Variants in PDE2A observed in about 807,000 individuals in gnomAD.
The protein encoded by PDE2A is phosphodiesterase 2A.
A neutral mutation model predicts 133.6 loss-of-function variants in PDE2A; 53 were observed. That is an observed-to-expected ratio of 0.40 (90% CI 0.32 to 0.50). The LOEUF (loss-of-function observed/expected upper bound fraction) is 0.50, where lower values mean the gene tolerates loss of function less well. PDE2A is among the 20% of genes least tolerant of loss of function. The probability of loss-of-function intolerance (pLI) is 0.73; values close to 1 mark genes in which losing one functional copy is unlikely to be tolerated. For missense variants in PDE2A, 796 were observed against 1,232.4 expected (o/e 0.65, Z 5.30); for synonymous variants, 491 against 490.2 (o/e 1.00, Z -0.02).
intron 2 of PDE2A, among the ~76,000 whole-genome samples, chr11:72,633,202 C>CTG (rs1858506528): frequency 7.2e-6 from 1 of 138,394 alleles, no homozygotes; most frequent in Admixed American, 7.0e-5. Context: ...CAGGCCAGGG[C>CTG]TGTGTCCAAG....
At chr11:72,646,234 C>G (rs181998835) in intron 1 of PDE2A, among the ~76,000 whole-genome samples, 1 of 152,198 alleles carries the variant, frequency 6.6e-6, no homozygotes, top group Non-Finnish European at 1.5e-5. Flanking sequence ...ACTCAGCTGT[C>G]AGCCTGGGTC....
intron 1 of PDE2A, among the ~76,000 whole-genome samples, chr11:72,649,918 A>G (rs949369216): frequency 6.6e-6 from 1 of 152,092 alleles, no homozygotes; most frequent in Non-Finnish European, 1.5e-5. Context: ...AGAGTTGGGA[A>G]AAGGAGCTCT....
At chr11:72,618,947 C>G (rs1425797112) in intron 2 of PDE2A, among the ~76,000 whole-genome samples, 1 of 152,188 alleles carries the variant, frequency 6.6e-6, no homozygotes, top group Non-Finnish European at 1.5e-5. Flanking sequence ...TTTGAAGGGC[C>G]CAGGAAGCCA....
chr11:72,601,773 G>A (rs1376764263), intron 4 of PDE2A, among the ~76,000 whole-genome samples: 2 of 152,140 alleles, frequency 1.3e-5, no homozygotes, highest in Non-Finnish European at 2.9e-5. Context: ...GAAGACCCTG[G>A]CCCAGGCAGC....
intron 2 of PDE2A, among the ~76,000 whole-genome samples, chr11:72,611,092 C>A (rs1231097226): frequency 2.0e-5 from 3 of 152,196 alleles, no homozygotes; most frequent in Non-Finnish European, 2.9e-5. Flanking sequence ...GAGGAGCCCA[C>A]AAGCTGACTC....
At chr11:72,585,866 C>T (rs936172779) in intron 14 of PDE2A, among the ~76,000 whole-genome samples, 4 of 152,186 alleles carry the variant, frequency 2.6e-5, no homozygotes, top group African/African-American at 9.7e-5. Flanking sequence ...AAATTGAACA[C>T]TAGAGGGCGA....
chr11:72,656,185 G>A (rs778115019), intron 1 of PDE2A, among the ~76,000 whole-genome samples: 1 of 152,222 alleles, frequency 6.6e-6, no homozygotes, highest in Non-Finnish European at 1.5e-5. Context: ...GACAAGCTGA[G>A]GGCCAGACGC....
At position 72,642,289 on chromosome 11, in the gene PDE2A, G is replaced by T; in HGVS notation, c.109C>A (p.Pro37Thr). ...QQVFLKPDEP[P>T]PPPQPCADSL... Reference sequence around the variant, plus strand: ...TCGGCGCATGGCTGCGGCGGCGGCGGCGGCTCGTCCGGCTTGAGGAAGACC... The same window carrying T: ...TCGGCGCATGGCTGCGGCGGCGGCGTCGGCTCGTCCGGCTTGAGGAAGACC... The change falls in exon 2 of 31, where the codon CCG becomes ACG. Residue 37 changes from proline (P) to threonine (T), a missense_variant. Physicochemically the swap from Pro to Thr is conservative, Grantham distance 38 (BLOSUM62 -1). Transcript: ENST00000334456. The T allele has an allele frequency of 6.6e-7, 1 of 1,522,966 alleles. No homozygotes were observed. Among genetic ancestry groups the T allele is most frequent in the Non-Finnish European group, 8.8e-7 (1 of 1,138,068 alleles). 94.3% of individuals were successfully genotyped at this position (1,522,966 alleles called of 1,614,324 possible). A position where few individuals can be genotyped will look rare whatever the true frequency, so the allele number is the denominator to read the frequency against.
At chr11:72,589,288 A>T in intron 11 of PDE2A, 48 bp from the exon 12 acceptor site, 1 of 1,408,890 alleles carries the variant, frequency 7.1e-7, no homozygotes, top group Non-Finnish European at 1.0e-6. Flanking sequence ...TCCCCAGGTC[A>T]GGGGATCTCA....
At chr11:72,668,047 A>G (rs142421843) in intron 1 of PDE2A, among the ~76,000 whole-genome samples, 186 of 152,278 alleles carry the variant, frequency 1.2e-3, no homozygotes, top group Middle Eastern at 6.8e-3. Context: ...TGCAAGACCA[A>G]TTCTCTCAAA....
chr11:72,585,858 A>T lies in PDE2A; in HGVS notation c.1182+212T>A, dbSNP rs560405722. On this transcript the variant is annotated intron_variant, in intron 14 of 30. Transcript: ENST00000334456. The stretch of plus-strand genomic sequence containing the variant: ...GCCTAGGTGTTGCTGTAGTGCCCAA[A>T]TTGAACACTAGAGGGCGATCACATA... Among the ~76,000 whole-genome samples the T allele has an allele frequency of 4.1e-3, 624 of 152,300 alleles. 2 individuals are homozygous for T. The highest frequency in any genetic ancestry group is 7.3e-3 in the Non-Finnish European group (495 of 68,024).
intron 2 of PDE2A, among the ~76,000 whole-genome samples, chr11:72,628,048 G>T (rs2135410299): frequency 6.6e-6 from 1 of 152,288 alleles, no homozygotes; most frequent in East Asian, 1.9e-4. Context: ...CTGCTTTCTT[G>T]GCTGCTGCCC....
In PDE2A at chr11:72,654,418, C is replaced by T. The variant is rs562108707; in HGVS notation, c.72-12092G>A. ...GGGCTCAATCCCAGCTCTCTTGAGG[C>T]CAGTGCAGGTGGGAGAGCCTGGGGG... On this transcript the variant is annotated intron_variant, in intron 1 of 30. Transcript: ENST00000334456. Among the ~76,000 whole-genome samples, 21 of 152,278 alleles carry T rather than the reference C, an allele frequency of 1.4e-4. No homozygotes were observed. The South Asian group carries it at 4.1e-3, about 30-fold the overall frequency.
In PDE2A at chr11:72,576,884, C is replaced by T. The variant is rs1855496844; in HGVS notation, c.*500G>A. ...AGTATAGTAGTGGTCCTCAGGGGGCCTTCGCCCCGCGGCTGTTTCTAGTCC... is the reference window on the plus strand; with the variant it reads ...AGTATAGTAGTGGTCCTCAGGGGGCTTTCGCCCCGCGGCTGTTTCTAGTCC... On this transcript the variant is annotated 3_prime_UTR_variant, in exon 31 of 31. Coordinates refer to ENST00000334456, the MANE Select transcript of PDE2A (RefSeq NM_002599.5). 5.7e-6 allele frequency: 1 copy of T among 175,982 alleles called. No homozygotes were observed. Among genetic ancestry groups the T allele is most frequent in the Non-Finnish European group, 1.4e-5 (1 of 72,060 alleles). The allele number at this position is 175,982 out of a possible 1,614,324, so 10.9% of individuals were successfully genotyped here.
At chr11:72,579,412 T>G in intron 26 of PDE2A, 29 bp from the exon 27 acceptor site, 1 of 1,584,744 alleles carries the variant, frequency 6.3e-7, no homozygotes, top group South Asian at 1.1e-5. Context: ...TGTCATGCCC[T>G]CCTACTGGAC....
chr11:72,582,067 A>G (rs1855747888), intron 21 of PDE2A, 120 bp from the exon 22 acceptor site: 1 of 778,524 alleles, frequency 1.3e-6, no homozygotes, highest in Non-Finnish European at 2.2e-6. Flanking sequence ...CATCTAAACT[A>G]GAGAACCACA....
intron 19 of PDE2A, 180 bp from the exon 20 acceptor site, chr11:72,583,695 G>A (rs1001498270): frequency 4.1e-5 from 19 of 460,786 alleles, no homozygotes; most frequent in African/African-American, 1.9e-4. Context: ...TCCAGACCCC[G>A]CGCCGGTTCC....
intron 4 of PDE2A, among the ~76,000 whole-genome samples, chr11:72,598,138 A>C (rs1385636086): frequency 6.6e-6 from 1 of 152,218 alleles, no homozygotes; most frequent in Non-Finnish European, 1.5e-5. Flanking sequence ...ACTCACATAG[A>C]TGAACTCAGA....
Position 72,576,154 on chromosome 11 carries a change from T to C in PDE2A, c.*1230A>G, listed in dbSNP as rs924514061. 2.0e-5 allele frequency: 3 copies of C among 150,680 alleles called. No individual in the cohort carries two copies. Among genetic ancestry groups the C allele is most frequent in the Non-Finnish European group, 3.0e-5 (2 of 67,792 alleles). 9.3% of individuals were successfully genotyped at this position (150,680 alleles called of 1,614,324 possible). A position where few individuals can be genotyped will look rare whatever the true frequency, so the allele number is the denominator to read the frequency against. ...ATGGGGGAGGACTGGTAGAAAGAAA[T>C]AGATTTATTCTCATGTACAAAGCGG... On this transcript the variant is annotated 3_prime_UTR_variant, in exon 31 of 31. Coordinates refer to ENST00000334456, the MANE Select transcript of PDE2A (RefSeq NM_002599.5).
Sources: gnomAD v4.1 joint callset for allele counts (sites outside exome capture counted in the v4.1 genomes callset) on GRCh38, gnomAD v4.1.1 for gene constraint, MANE v1.5 for transcripts, NCBI Gene and HGNC (gene_info 2026-07-23, HGNC 2026-07-21) for gene names.